Variants in GAREM1 observed in about 807,000 individuals in gnomAD.
The protein encoded by GAREM1 is GRB2-associated and regulator of MAPK protein 1.
GAREM1 carries 26 observed loss-of-function variants against 71.3 expected under a neutral mutation model. The observed-to-expected ratio is 0.36, with a 90% CI of 0.27 to 0.51. The LOEUF is 0.51. Ranked by LOEUF, GAREM1 falls within the 20% of genes least tolerant of loss-of-function variation. The pLI, the probability that GAREM1 is intolerant of heterozygous loss-of-function variation, is 0.95. For synonymous variants in GAREM1, 440 were observed against 433.2 expected, an observed-to-expected ratio of 1.02 and a Z score of -0.20; for missense variants, 1,026 against 1,103.1, an observed-to-expected ratio of 0.93 and a Z score of 0.99.
At chr18:32,450,324 C>G (rs531572997) in intron 1 of GAREM1, among the ~76,000 whole-genome samples, 1 of 152,186 alleles carries the variant, frequency 6.6e-6, no homozygotes, top group East Asian at 1.9e-4. Context: ...TGCAAGTCAG[C>G]AATTCTGGAG....
chr18:32,421,684 G>A lies in GAREM1; in HGVS notation c.122-28649C>T, dbSNP rs12606768. Among the ~76,000 whole-genome samples the A allele has an allele frequency of 3.7e-3, 565 of 152,106 alleles. 26 individuals carry two copies. The East Asian group carries it at 0.089, about 24-fold the overall frequency. ...CAGGCCTCCATGTTTTTTTTCTCAC[G>A]CTTATTCTGTTGCCTAGAAAGCCCT... On this transcript the variant is annotated intron_variant, in intron 1 of 5. Coordinates refer to ENST00000269209, the MANE Select transcript of GAREM1 (RefSeq NM_001242409.2).
At position 32,305,333 on chromosome 18, in the gene GAREM1, G is replaced by T. The variant is rs542216712; in HGVS notation, c.393+4860C>A. On this transcript the variant is annotated intron_variant, in intron 3 of 5. Transcript: ENST00000269209. ...CTGCTCACTCAAATGGACATACTTAGATCAGAAAATAAAGCTACTCCTGTC... is the reference window on the plus strand; with the variant it reads ...CTGCTCACTCAAATGGACATACTTATATCAGAAAATAAAGCTACTCCTGTC... 5.3e-5 allele frequency among the ~76,000 whole-genome samples: 8 copies of T among 152,136 alleles called. No homozygotes were observed. The East Asian group carries it at 1.2e-3, about 22-fold the overall frequency.
intron 4 of GAREM1, among the ~76,000 whole-genome samples, chr18:32,282,800 T>C (rs1285616139): frequency 6.6e-6 from 1 of 152,210 alleles, no homozygotes; most frequent in Non-Finnish European, 1.5e-5. Flanking sequence ...TTTTGTGCAA[T>C]ATAAAGTCTT....
intron 2 of GAREM1, among the ~76,000 whole-genome samples, chr18:32,344,819 C>G (rs780754864): frequency 7.9e-5 from 12 of 152,162 alleles, no homozygotes; most frequent in Non-Finnish European, 1.6e-4. Flanking sequence ...CCCAGCACTT[C>G]AGGAGGCCAA....
At chr18:32,463,550 A>G (rs2144315791) in intron 1 of GAREM1, among the ~76,000 whole-genome samples, 1 of 151,084 alleles carries the variant, frequency 6.6e-6, no homozygotes, top group East Asian at 2.0e-4. Context: ...TGAAAATTAA[A>G]GAGAGTTTTT....
rs539991627 is a variant in GAREM1 at position 32,389,014 on chromosome 18, G to GA, written c.262+3880dup. 8.5e-4 allele frequency among the ~76,000 whole-genome samples: 129 copies of GA among 152,170 alleles called. 1 individual carries two copies. The highest frequency in any genetic ancestry group is 2.9e-3 in the African/African-American group (122 of 41,536). ...ATGCTGTCTACTCTCAAATAACTGAGAAAAAAATAAATAGCATATTTGTCT... is the reference window on the plus strand; with the variant it reads ...ATGCTGTCTACTCTCAAATAACTGAGAAAAAAAATAAATAGCATATTTGTCT... On this transcript the variant is annotated intron_variant, in intron 2 of 5. Transcript: ENST00000269209.
chr18:32,326,933 T>A (rs906269845), intron 2 of GAREM1, among the ~76,000 whole-genome samples: 1 of 152,246 alleles, frequency 6.6e-6, no homozygotes, highest in Non-Finnish European at 1.5e-5. Context: ...CTGGCAGGAA[T>A]GTCTGATGGG....
At chr18:32,454,237 C>T (rs1222192767) in intron 1 of GAREM1, among the ~76,000 whole-genome samples, 1 of 151,482 alleles carries the variant, frequency 6.6e-6, no homozygotes, top group Non-Finnish European at 1.5e-5. Context: ...ATTACTGGAC[C>T]CAAAGATACT....
At chr18:32,366,323 G>A (rs2047928155) in intron 2 of GAREM1, among the ~76,000 whole-genome samples, 1 of 152,052 alleles carries the variant, frequency 6.6e-6, no homozygotes. Context: ...TCATAAGCCT[G>A]CCTCCTTTCA....
At chr18:32,462,350 C>T (rs1237085573) in intron 1 of GAREM1, among the ~76,000 whole-genome samples, 1 of 152,142 alleles carries the variant, frequency 6.6e-6, no homozygotes. Context: ...TTTGATTTGC[C>T]ATTCCTGATT....
At chr18:32,349,005 A>G (rs182434114) in intron 2 of GAREM1, among the ~76,000 whole-genome samples, 1 of 152,334 alleles carries the variant, frequency 6.6e-6, no homozygotes, top group Non-Finnish European at 1.5e-5. Flanking sequence ...CTGAACATGT[A>G]GTTAAAACTA....
At position 32,287,150 on chromosome 18, in the gene GAREM1, C is replaced by T; in HGVS notation, c.1447G>A (p.Gly483Ser). Residue 483 changes from glycine to serine, a missense_variant, in exon 4 of 6, where the codon GGT becomes AGT. By Grantham distance (56) the Gly-to-Ser change is moderately conservative (BLOSUM62 0). Around this residue, in one of 3 missense-constraint regions of GAREM1, gnomAD observed 636 missense variants for 631.2 expected, o/e 1.01. Coordinates refer to ENST00000269209, the MANE Select transcript of GAREM1 (RefSeq NM_001242409.2). This position sits in a 1 kb window ranked among gnomAD's most constrained non-coding sequence, Gnocchi z 5.9. ...SEKNRCDQFR[G>S]SVRSKCATSP... ...GTCGCACATTTGGATCGGACAGAAC[C>T]TCTAAACTGATCACATCTGTTCTTC... 1 of 1,614,236 alleles carries T rather than the reference C, an allele frequency of 6.2e-7. No homozygotes were observed. The highest frequency in any genetic ancestry group is 1.6e-4 in the Middle Eastern group (1 of 6,062).
At position 32,309,031 on chromosome 18, in the gene GAREM1, G is replaced by T. The variant is rs192953910; in HGVS notation, c.393+1162C>A. ...TGTAGTCTGTTTTTCACATAGAGTGGATTTCTAAGAAACAGGAATCTTGAC... is the reference window on the plus strand; with the variant it reads ...TGTAGTCTGTTTTTCACATAGAGTGTATTTCTAAGAAACAGGAATCTTGAC... On this transcript the variant is annotated intron_variant, in intron 3 of 5. Coordinates refer to ENST00000269209, the MANE Select transcript of GAREM1 (RefSeq NM_001242409.2). Among the ~76,000 whole-genome samples, 6 of 150,252 alleles carry T rather than the reference G, an allele frequency of 4.0e-5. No homozygotes were observed. The East Asian group carries it at 7.8e-4, about 20-fold the overall frequency.
intron 3 of GAREM1, chr18:32,290,251 T>A (rs1390340025): frequency 1.3e-5 from 2 of 152,140 alleles, no homozygotes; most frequent in African/African-American, 2.4e-5. Flanking sequence ...TGTGTCTTCA[T>A]CTTATATTTT....
At chr18:32,424,458 G>A (rs1421958083) in intron 1 of GAREM1, among the ~76,000 whole-genome samples, 1 of 152,138 alleles carries the variant, frequency 6.6e-6, no homozygotes, top group East Asian at 1.9e-4. Flanking sequence ...AAAGTCAAAG[G>A]CAAGTGAAAG....
chr18:32,402,561 C>G (rs113713232), intron 1 of GAREM1, among the ~76,000 whole-genome samples: 42 of 152,236 alleles, frequency 2.8e-4, no homozygotes, highest in Middle Eastern at 3.4e-3. Flanking sequence ...TATTTTCTCT[C>G]AGTGCTTTCT....
At chr18:32,450,090 T>C (rs1336982705) in intron 1 of GAREM1, among the ~76,000 whole-genome samples, 2 of 152,206 alleles carry the variant, frequency 1.3e-5, no homozygotes, top group Non-Finnish European at 2.9e-5. Context: ...ATTATTACAG[T>C]AAGGTTAAGT....
chr18:32,451,248 T>TCCCCCCCCCCCC (rs1164223308), intron 1 of GAREM1, among the ~76,000 whole-genome samples: 12 of 102,438 alleles, frequency 1.2e-4, no homozygotes, highest in African/African-American at 2.4e-4. Context: ...AGAGCCCCCA[T>TCCCCCCCCCCCC]CCCCCCACCC....
At chr18:32,376,600 G>A (rs1238680423) in intron 2 of GAREM1, among the ~76,000 whole-genome samples, 1 of 152,222 alleles carries the variant, frequency 6.6e-6, no homozygotes, top group Non-Finnish European at 1.5e-5. Flanking sequence ...CACTTTGGGA[G>A]GCCGAGGCTG....
Sources: allele counts gnomAD v4.1 joint callset (sites outside exome capture counted in the v4.1 genomes callset), GRCh38; gene constraint gnomAD v4.1.1; regional missense constraint gnomAD v4.1.1; non-coding constraint Gnocchi (gnomAD v3.1); transcripts MANE v1.5; gene names NCBI Gene and HGNC (gene_info 2026-07-23, HGNC 2026-07-21).